The following MOCS1 variants were observed in gnomAD, a reference collection of about 807,000 sequenced individuals.
MOCS1 encodes molybdenum cofactor synthesis 1.
In MOCS1, 39 loss-of-function variants were observed where a neutral mutation model predicts 57.6. The ratio of observed to expected loss-of-function variants is 0.68; its 90% confidence interval spans 0.52 to 0.88. The LOEUF (loss-of-function observed/expected upper bound fraction) is 0.88. MOCS1 is among the 40% of genes least tolerant of loss of function. The probability of loss-of-function intolerance (pLI) is 0.00; values close to 1 mark genes in which losing one functional copy is unlikely to be tolerated. For synonymous variants in MOCS1, 334 were observed against 335.7 expected (o/e 1.00, Z 0.05); for missense variants, 795 against 831.1 (o/e 0.96, Z 0.53).
rs1466843783 is a variant in MOCS1 at position 39,906,320 on chromosome 6, C to G, written c.*37G>C. ...CCTCAGCCTACATTGCATCCCAGCT[C>G]CAGGCCTGGGTGGGCCATGGGTGAG... On this transcript the variant is annotated 3_prime_UTR_variant, in exon 11 of 11. Transcript: ENST00000340692. 6.2e-7 allele frequency: 1 copy of G among 1,600,324 alleles called. No homozygotes were observed. Among genetic ancestry groups the G allele is most frequent in the Admixed American group, 1.7e-5 (1 of 59,744 alleles).
chr6:39,925,722 G>A lies in MOCS1; in HGVS notation c.374C>T (p.Thr125Ile). The part of the protein sequence containing the change: ...VKEGIDKIRL[T>I]GGEPLIRPDV... The stretch of plus-strand genomic sequence containing the variant: ...CGGCCGGATAAGCGGCTCTCCACCT[G>A]TGAGCCGGATCTTGTCGATGCCTTC... Residue 125 changes from threonine to isoleucine, a missense_variant, in exon 3 of 11, where the codon ACA becomes ATA. This residue lies in a region of MOCS1 where 416 missense variants were observed against 392.4 expected (regional missense o/e 1.06). Coordinates refer to ENST00000340692, the MANE Select transcript of MOCS1 (RefSeq NM_001358530.2). The A allele has an allele frequency of 6.2e-7, 1 of 1,612,844 alleles. No individual in the cohort carries two copies. Among genetic ancestry groups the A allele is most frequent in the African/African-American group, 1.3e-5 (1 of 75,036 alleles).
chr6:39,922,347 C>T (rs191427354), intron 3 of MOCS1, among the ~76,000 whole-genome samples: 11 of 152,264 alleles, frequency 7.2e-5, no homozygotes, highest in Admixed American at 7.2e-4. Context: ...TGCACATGGC[C>T]TAGGATGGCT....
intron 4 of MOCS1, among the ~76,000 whole-genome samples, chr6:39,914,750 G>A (rs1443162233): frequency 6.6e-6 from 1 of 152,124 alleles, no homozygotes; most frequent in African/African-American, 2.4e-5. Flanking sequence ...AATGCTGCTA[G>A]GATAACCTAG....
chr6:39,908,873 A>G (rs1767119232), intron 10 of MOCS1, among the ~76,000 whole-genome samples, 182 bp downstream of exon 10: 1 of 152,024 alleles, frequency 6.6e-6, no homozygotes, highest in African/African-American at 2.4e-5. Context: ...GGGATCATGA[A>G]CAGTGGGGGA....
rs762546266 is a variant in MOCS1, at chr6:39,927,416, C to A, written c.163G>T (p.Ala55Ser). 6.8e-6 allele frequency: 11 copies of A among 1,612,356 alleles called. No individual in the cohort carries two copies. The highest frequency in any genetic ancestry group is 9.3e-6 in the Non-Finnish European group (11 of 1,179,704). Residue 55 changes from alanine to serine, a missense_variant, in exon 2 of 11, where the codon GCC becomes TCC. By Grantham distance (99) the Ala-to-Ser change is moderately conservative (BLOSUM62 1). Around this residue, in one of 3 missense-constraint regions of MOCS1, gnomAD observed 416 missense variants for 392.4 expected, o/e 1.06. Coordinates refer to ENST00000340692, the MANE Select transcript of MOCS1 (RefSeq NM_001358530.2). ...TCTGTGAGGAAGGCGGAGAAGGGGG[C>A]CGCATGCTCCCGCAGGAACTGCCTC... ...RRRQFLREHAAPFSAFLTDSF... is the reference protein window; with the variant it reads ...RRRQFLREHASPFSAFLTDSF...
chr6:39,919,511 C>T (rs1309464865), intron 3 of MOCS1, among the ~76,000 whole-genome samples: 1 of 104,778 alleles, frequency 9.5e-6, no homozygotes, highest in Admixed American at 9.5e-5. Context: ...AAACAAAAAA[C>T]AGCAACAAAA....
intron 3 of MOCS1, 80 bp downstream of exon 3, chr6:39,925,598 G>A: frequency 2.0e-6 from 3 of 1,527,552 alleles, no homozygotes; most frequent in Non-Finnish European, 2.7e-6. Flanking sequence ...AATGTCAGCT[G>A]CCACTGTTAA....
intron 4 of MOCS1, among the ~76,000 whole-genome samples, chr6:39,915,046 C>T (rs192774592): frequency 3.9e-4 from 59 of 152,308 alleles, no homozygotes; most frequent in African/African-American, 1.1e-3. Flanking sequence ...CCTTGAAGCC[C>T]TCCTAGTTCT....
Position 39,904,528 on chromosome 6 carries a change from C to T in MOCS1, c.*1829G>A, listed in dbSNP as rs1562075463. ...ATTTTGTGGCCAATGTAAAATTCGT[C>T]ATCAACCTAACAAACACAACCTTCT... On this transcript the variant is annotated 3_prime_UTR_variant, in exon 11 of 11. Coordinates refer to ENST00000340692, the MANE Select transcript of MOCS1 (RefSeq NM_001358530.2). 2.2e-6 allele frequency: 1 copy of T among 454,284 alleles called. No individual in the cohort carries two copies. Among genetic ancestry groups the T allele is most frequent in the Admixed American group, 2.3e-5 (1 of 42,574 alleles). The allele number at this position is 454,284 out of a possible 1,614,324, so 28.1% of individuals were successfully genotyped here.
intron 5 of MOCS1, 128 bp downstream of exon 5, chr6:39,913,646 G>T: frequency 8.8e-7 from 1 of 1,138,030 alleles, no homozygotes; most frequent in Non-Finnish European, 1.3e-6. Context: ...AGAAGAGGTG[G>T]AAGGGTGCAC....
In MOCS1 at chr6:39,925,744, C is replaced by T. The variant is rs150060706; in HGVS notation, c.352G>A (p.Gly118Ser). ...LTLARLFVKE[G>S]IDKIRLTGGE... is the part of the protein sequence containing the mutation. Reference sequence around the variant, plus strand: ...CCTGTGAGCCGGATCTTGTCGATGCCTTCCTTCACAAAGAGCCGGGCGAGG... The same window carrying T: ...CCTGTGAGCCGGATCTTGTCGATGCTTTCCTTCACAAAGAGCCGGGCGAGG... The change falls in exon 3 of 11, where the codon GGC becomes AGC. Residue 118 changes from glycine to serine, a missense_variant. Transcript: ENST00000340692. The T allele has an allele frequency of 4.3e-6, 7 of 1,612,726 alleles. No individual in the cohort carries two copies. Among genetic ancestry groups the T allele is most frequent in the Admixed American group, 1.7e-5 (1 of 60,006 alleles).
At chr6:39,924,878 A>T (rs1317290830) in intron 3 of MOCS1, among the ~76,000 whole-genome samples, 1 of 151,994 alleles carries the variant, frequency 6.6e-6, no homozygotes. Flanking sequence ...CAGGGTTTCG[A>T]GACCAGCTTA....
chr6:39,919,810 T>C (rs1767865302), intron 3 of MOCS1, among the ~76,000 whole-genome samples: 1 of 152,134 alleles, frequency 6.6e-6, no homozygotes, highest in South Asian at 2.1e-4. Context: ...AAAAATTACA[T>C]TGAATTCCCA....
At position 39,905,558 on chromosome 6, in the gene MOCS1, T is replaced by G. The variant is rs1278634312; in HGVS notation, c.*799A>C. ...GCATCGTAGCTTTATTTGTGCGCTG[T>G]GAGGGTGAAGGCAATCTATCATCAA... is the stretch of plus-strand genomic sequence containing the variant. On this transcript the variant is annotated 3_prime_UTR_variant, in exon 11 of 11. Transcript: ENST00000340692. The G allele has an allele frequency of 4.2e-6, 2 of 471,132 alleles. No homozygotes were observed. Among genetic ancestry groups the G allele is most frequent in the Non-Finnish European group, 8.8e-6 (2 of 227,050 alleles). The allele number at this position is 471,132 out of a possible 1,614,324, so 29.2% of individuals were successfully genotyped here.
Position 39,934,409 on chromosome 6 carries a change from C to T in MOCS1, c.9G>A (p.Ala3=). 2 of 1,566,568 alleles carry T rather than the reference C, an allele frequency of 1.3e-6. No individual in the cohort carries two copies. Among genetic ancestry groups the T allele is most frequent in the Non-Finnish European group, 8.6e-7 (1 of 1,161,570 alleles). MA[A]RPLSRMLRRL... Reference sequence around the variant, plus strand: ...GCCGCAGCATCCGGGACAGTGGCCGCGCCGCCATGAAGCCTGATACGAGCG... The same window carrying T: ...GCCGCAGCATCCGGGACAGTGGCCGTGCCGCCATGAAGCCTGATACGAGCG... Residue 3 remains alanine (A), a synonymous_variant, in exon 1 of 11, where the codon GCG becomes GCA. Transcript: ENST00000340692.
chr6:39,919,201 G>A (rs532683647), intron 3 of MOCS1, among the ~76,000 whole-genome samples: 1 of 152,228 alleles, frequency 6.6e-6, no homozygotes, highest in Non-Finnish European at 1.5e-5. Flanking sequence ...AAGTCAACTG[G>A]AGGCCAGGCA....
chr6:39,908,865 G>T (rs1180452896), intron 10 of MOCS1, among the ~76,000 whole-genome samples, 190 bp downstream of exon 10: 1 of 152,084 alleles, frequency 6.6e-6, no homozygotes, highest in Non-Finnish European at 1.5e-5. Context: ...TAGTAAGGGG[G>T]ATCATGAACA....
At chr6:39,932,642 G>C (rs1768699945) in intron 1 of MOCS1, among the ~76,000 whole-genome samples, 1 of 152,226 alleles carries the variant, frequency 6.6e-6, no homozygotes, top group South Asian at 2.1e-4. Flanking sequence ...ATCCTAATGA[G>C]ATGTCCAGGA....
At chr6:39,908,975 G>T in intron 10 of MOCS1, 80 bp downstream of exon 10, 1 of 1,148,056 alleles carries the variant, frequency 8.7e-7, no homozygotes, top group Non-Finnish European at 1.3e-6. Context: ...CAGGAGCTGG[G>T]GGTGCCTATG....
Sources: allele counts gnomAD v4.1 joint callset (sites outside exome capture counted in the v4.1 genomes callset), GRCh38; gene constraint gnomAD v4.1.1; regional missense constraint gnomAD v4.1.1; transcripts MANE v1.5; gene names NCBI Gene and HGNC (gene_info 2026-07-23, HGNC 2026-07-21).